The following SEPTIN10 variants were observed in gnomAD, a reference collection of about 807,000 sequenced individuals.
The protein encoded by SEPTIN10 is septin-10.
SEPTIN10 carries 66 observed loss-of-function variants against 54.8 expected under a neutral mutation model. That is an observed-to-expected ratio of 1.21 (90% CI 0.99 to 1.48). The LOEUF is 1.48. Among genes scored for constraint, SEPTIN10 ranks in the 40% most tolerant of loss-of-function variants. The pLI is 0.00. For synonymous variants in SEPTIN10, 161 were observed against 181.0 expected, an observed-to-expected ratio of 0.89 and a Z score of 0.89; for missense variants, 620 against 545.6, an observed-to-expected ratio of 1.14 and a Z score of -1.36.
intron 1 of SEPTIN10, among the ~76,000 whole-genome samples, chr2:109,595,376 T>C (rs1044918608): frequency 3.9e-5 from 6 of 152,222 alleles, no homozygotes; most frequent in African/African-American, 1.4e-4. Context: ...TTTTAATACC[T>C]GGCTTCAGGC....
At position 109,567,475 on chromosome 2, in the gene SEPTIN10, G is replaced by T. The variant is rs532280156; in HGVS notation, c.762+340C>A. Reference sequence around the variant, plus strand: ...ATTTTACAGCATGCAAAGGGAGGCTGTAAAGTCTTCTCATGTTTATAAAGA... The same window carrying T: ...ATTTTACAGCATGCAAAGGGAGGCTTTAAAGTCTTCTCATGTTTATAAAGA... On this transcript the variant is annotated intron_variant, in intron 6 of 10. Coordinates refer to ENST00000397712, the MANE Select transcript of SEPTIN10 (RefSeq NM_144710.5). 7.4e-4 allele frequency among the ~76,000 whole-genome samples: 113 copies of T among 152,290 alleles called. 1 individual carries two copies. Among genetic ancestry groups the T allele is most frequent in the African/African-American group, 2.7e-3 (111 of 41,568 alleles).
intron 1 of SEPTIN10, among the ~76,000 whole-genome samples, chr2:109,610,095 G>GTGTTTTTTTTTTTTTTTTTTTTTTTTTT (rs1698918563): frequency 7.0e-6 from 1 of 143,434 alleles, no homozygotes; most frequent in African/African-American, 2.6e-5. Flanking sequence ...TCCCTGAGGT[G>GTGTTTTTTTTTTTTTTTTTTTTTTTTTT]TTTTTTTTTT....
chr2:109,556,667 T>C (rs1281522146), intron 8 of SEPTIN10, among the ~76,000 whole-genome samples: 1 of 152,156 alleles, frequency 6.6e-6, no homozygotes, highest in Non-Finnish European at 1.5e-5. Flanking sequence ...TCTTTTTTTT[T>C]AAAGAAGCCC....
intron 5 of SEPTIN10, among the ~76,000 whole-genome samples, chr2:109,572,573 C>T (rs1019494559): frequency 1.3e-5 from 2 of 151,712 alleles, no homozygotes; most frequent in Admixed American, 6.6e-5. Flanking sequence ...CTGTTTTATA[C>T]CCGGACAGGT....
rs1333932930 is a variant in SEPTIN10 at position 109,543,378 on chromosome 2, A to C, written c.*931T>G. 1.3e-5 allele frequency: 2 copies of C among 152,192 alleles called. No individual in the cohort carries two copies. The highest frequency in any genetic ancestry group is 4.8e-5 in the African/African-American group (2 of 41,452). 9.4% of individuals were successfully genotyped at this position (152,192 alleles called of 1,614,324 possible). A position where few individuals can be genotyped will look rare whatever the true frequency, so the allele number is the denominator to read the frequency against. ...TATATATCTGGATGTTTTAACTTTT[A>C]AAGATATTTTGTTTCACCACAGTAA... On this transcript the variant is annotated 3_prime_UTR_variant, in exon 11 of 11. Transcript: ENST00000397712.
chr2:109,559,763 A>C (rs567340177), intron 8 of SEPTIN10, among the ~76,000 whole-genome samples: 1 of 152,268 alleles, frequency 6.6e-6, no homozygotes, highest in African/African-American at 2.4e-5. Flanking sequence ...TCCCTGGACT[A>C]TGAATTGTGA....
At chr2:109,566,130 TA>T (rs1686961143) in intron 6 of SEPTIN10, among the ~76,000 whole-genome samples, 1 of 152,164 alleles carries the variant, frequency 6.6e-6, no homozygotes, top group East Asian at 1.9e-4. Context: ...TATTTATTTT[TA>T]TTTTTTTGAG....
At chr2:109,592,167 T>C (rs536927756) in intron 2 of SEPTIN10, among the ~76,000 whole-genome samples, 3 of 151,484 alleles carry the variant, frequency 2.0e-5, no homozygotes, top group Non-Finnish European at 4.4e-5. Flanking sequence ...TGCAGTGTGC[T>C]CAAAAAACAA....
chr2:109,555,736 CCTGTT>C (rs1183085445), intron 8 of SEPTIN10, among the ~76,000 whole-genome samples: 1 of 152,194 alleles, frequency 6.6e-6, no homozygotes, highest in Non-Finnish European at 1.5e-5. Flanking sequence ...CCTCTTCCTC[CCTGTT>C]CTTTCTACCC....
chr2:109,545,297 A>C, intron 10 of SEPTIN10: 1 of 1,437,736 alleles, frequency 7.0e-7, no homozygotes, highest in Non-Finnish European at 9.1e-7. Context: ...GAGAAATAAA[A>C]CAAGGGACAC....
intron 4 of SEPTIN10, among the ~76,000 whole-genome samples, chr2:109,579,487 G>T (rs965943451): frequency 1.1e-4 from 16 of 151,470 alleles, no homozygotes; most frequent in African/African-American, 3.6e-4. Context: ...GGGTTCAAGT[G>T]GTTCTCCTGC....
intron 4 of SEPTIN10, 152 bp from the exon 5 acceptor site, chr2:109,574,919 G>A: frequency 2.2e-6 from 1 of 464,616 alleles, no homozygotes; most frequent in Non-Finnish European, 3.5e-6. Flanking sequence ...AAAAAAATGT[G>A]CAGAACATGC....
intron 8 of SEPTIN10, among the ~76,000 whole-genome samples, chr2:109,560,832 C>T (rs1685497558): frequency 6.6e-6 from 1 of 152,102 alleles, no homozygotes; most frequent in Admixed American, 6.5e-5. Flanking sequence ...TAGCCTCCTG[C>T]TTTCTCACTT....
At chr2:109,587,038 G>A (rs1692731423) in intron 2 of SEPTIN10, among the ~76,000 whole-genome samples, 1 of 152,068 alleles carries the variant, frequency 6.6e-6, no homozygotes, top group South Asian at 2.1e-4. Context: ...AAGAAAGAAA[G>A]TCAACAGAAA....
At chr2:109,556,967 A>G (rs1217457154) in intron 8 of SEPTIN10, among the ~76,000 whole-genome samples, 1 of 152,146 alleles carries the variant, frequency 6.6e-6, no homozygotes, top group African/African-American at 2.4e-5. Context: ...TGGGAATTCA[A>G]CAATGAGAAC....
intron 5 of SEPTIN10, among the ~76,000 whole-genome samples, chr2:109,569,180 G>C (rs1024882847): frequency 1.3e-5 from 2 of 152,120 alleles, no homozygotes; most frequent in Non-Finnish European, 2.9e-5. Context: ...TGTAATCCCA[G>C]CACTTTGAAA....
In SEPTIN10 at chr2:109,593,051, TATCTGTTCATC is replaced by T; in HGVS notation, c.88_98del (p.Asp30LysfsTer17). ...GTATCTATTTAAAAGACATACTCAC[TATCTGTTCATC>T]ATCTGATCCTTGTGAAGACATACAA... On this transcript the variant is annotated frameshift_variant and splice_region_variant, in exon 2 of 11. Transcript: ENST00000397712. LOFTEE classifies it high-confidence loss of function. The T allele has an allele frequency of 6.3e-7, 1 of 1,582,676 alleles. No homozygotes were observed. The highest frequency in any genetic ancestry group is 8.6e-7 in the Non-Finnish European group (1 of 1,165,500).
rs537235513 is a variant in SEPTIN10, at chr2:109,566,769, T to C, written c.763-910A>G. Among the ~76,000 whole-genome samples, 5 of 152,230 alleles carry C rather than the reference T, an allele frequency of 3.3e-5. No individual in the cohort carries two copies. The South Asian group carries it at 1.0e-3, about 32-fold the overall frequency. ...AGAAATGGCTTAGAAAAGGAAAAGA[T>C]TCTGAACAAAATGCAATAGCTAGGT... On this transcript the variant is annotated intron_variant, in intron 6 of 10. Transcript: ENST00000397712.
At chr2:109,560,664 C>G (rs767669365) in intron 8 of SEPTIN10, among the ~76,000 whole-genome samples, 1 of 152,182 alleles carries the variant, frequency 6.6e-6, no homozygotes, top group Admixed American at 6.5e-5. Flanking sequence ...AACTCAAAGT[C>G]AACAGGTCCC....
Sources: gnomAD v4.1 joint callset for allele counts (sites outside exome capture counted in the v4.1 genomes callset) on GRCh38, gnomAD v4.1.1 for gene constraint, MANE v1.5 for transcripts, NCBI Gene and HGNC (gene_info 2026-07-23, HGNC 2026-07-21) for gene names.